Variants in KCNN2 observed in about 807,000 individuals in gnomAD.
KCNN2 encodes small conductance calcium-activated potassium channel protein 2.
In KCNN2, 24 loss-of-function variants were observed where a neutral mutation model predicts 55.5. The ratio of observed to expected loss-of-function variants is 0.43; its 90% CI spans 0.31 to 0.61. The LOEUF is 0.61. Among genes scored for constraint, KCNN2 ranks in the 20% least tolerant of loss-of-function variants. The pLI, the probability that KCNN2 is intolerant of heterozygous loss-of-function variation, is 0.08. For missense variants in KCNN2, 754 were observed against 853.6 expected (o/e 0.88, Z 1.45); for synonymous variants, 431 against 336.1 (o/e 1.28, Z -3.09).
chr5:114,253,921 C>T (rs1206018978), intron 2 of KCNN2, among the ~76,000 whole-genome samples: 1 of 152,108 alleles, frequency 6.6e-6, no homozygotes, highest in Admixed American at 6.5e-5. Context: ...ATCTGTGACT[C>T]TTGTTTGCAT....
chr5:114,213,709 G>A (rs1197426282), intron 1 of KCNN2, among the ~76,000 whole-genome samples: 2 of 151,750 alleles, frequency 1.3e-5, no homozygotes, highest in Non-Finnish European at 1.5e-5. Context: ...TATTATTGCC[G>A]TTGGTCTTGC....
At chr5:114,292,650 G>T (rs1193806084) in intron 2 of KCNN2, among the ~76,000 whole-genome samples, 1 of 152,122 alleles carries the variant, frequency 6.6e-6, no homozygotes, top group East Asian at 1.9e-4. Context: ...TGTTCTTTTG[G>T]CTTAGGATTG....
intron 2 of KCNN2, among the ~76,000 whole-genome samples, chr5:114,252,341 C>G (rs1308477928): frequency 6.6e-6 from 1 of 152,066 alleles, no homozygotes; most frequent in African/African-American, 2.4e-5. Flanking sequence ...AAGAGACTCC[C>G]TCAGATGAGA....
At chr5:114,392,185 ACAT>A (rs1758468337) in intron 2 of KCNN2, among the ~76,000 whole-genome samples, 1 of 152,196 alleles carries the variant, frequency 6.6e-6, no homozygotes, top group African/African-American at 2.4e-5. Flanking sequence ...GTTGCCTACA[ACAT>A]ATGATATGTG....
At chr5:114,322,572 C>T (rs1272194436) in intron 2 of KCNN2, among the ~76,000 whole-genome samples, 1 of 110,022 alleles carries the variant, frequency 9.1e-6, no homozygotes, top group Non-Finnish European at 1.8e-5. Context: ...CATACACTCC[C>T]CCATACACAC....
intron 2 of KCNN2, among the ~76,000 whole-genome samples, chr5:114,235,735 C>T (rs989027650): frequency 6.6e-6 from 1 of 152,214 alleles, no homozygotes; most frequent in Non-Finnish European, 1.5e-5. Flanking sequence ...ACTGAAGATA[C>T]ATCACAAAAG....
intron 1 of KCNN2, among the ~76,000 whole-genome samples, chr5:114,083,856 C>A (rs557947693): frequency 6.6e-6 from 1 of 152,124 alleles, no homozygotes; most frequent in Non-Finnish European, 1.5e-5. Context: ...TCTCTTCCCA[C>A]TCCAAACCTC....
chr5:114,152,193 C>T (rs1752543167), intron 1 of KCNN2, among the ~76,000 whole-genome samples: 1 of 151,948 alleles, frequency 6.6e-6, no homozygotes, highest in African/African-American at 2.4e-5. Context: ...ATTCAAATTG[C>T]TATAGGGGAA....
chr5:114,293,936 G>C (rs1266710450), intron 2 of KCNN2, among the ~76,000 whole-genome samples: 2 of 152,128 alleles, frequency 1.3e-5, no homozygotes, highest in Non-Finnish European at 2.9e-5. Context: ...TGTATGTGTG[G>C]AGGAATTTAT....
At chr5:114,263,787 T>G (rs1027044924) in intron 2 of KCNN2, among the ~76,000 whole-genome samples, 68 of 152,192 alleles carry the variant, frequency 4.5e-4, no homozygotes, top group African/African-American at 1.5e-3. Context: ...GACTAACACC[T>G]TTTAGACTAT....
chr5:114,301,517 T>C (rs987910394), intron 2 of KCNN2, among the ~76,000 whole-genome samples: 3 of 152,194 alleles, frequency 2.0e-5, no homozygotes, highest in Non-Finnish European at 4.4e-5. Context: ...TTAGTGTCTG[T>C]ATCTGGGCTT....
At chr5:114,148,419 A>G (rs1752449038) in intron 1 of KCNN2, among the ~76,000 whole-genome samples, 1 of 152,144 alleles carries the variant, frequency 6.6e-6, no homozygotes, top group Admixed American at 6.6e-5. Flanking sequence ...ATCATTAACA[A>G]TTTCAATTAA....
intron 2 of KCNN2, among the ~76,000 whole-genome samples, chr5:114,232,176 C>T (rs964306083): frequency 2.7e-5 from 4 of 150,696 alleles, no homozygotes; most frequent in Non-Finnish European, 5.9e-5. Context: ...GAATGTGGCA[C>T]ATAGGAGTAA....
At chr5:114,107,154 A>G (rs907552460) in intron 1 of KCNN2, among the ~76,000 whole-genome samples, 3 of 152,084 alleles carry the variant, frequency 2.0e-5, no homozygotes, top group African/African-American at 7.2e-5. Flanking sequence ...GAAAACTATT[A>G]TTTCTCACTG....
chr5:114,353,251 T>C (rs1322410138), intron 2 of KCNN2, among the ~76,000 whole-genome samples: 1 of 151,802 alleles, frequency 6.6e-6, no homozygotes, highest in East Asian at 1.9e-4. Context: ...AGACAGTAGA[T>C]ATGTATTTAT....
At chr5:114,134,423 T>C (rs1277052867) in intron 1 of KCNN2, among the ~76,000 whole-genome samples, 1 of 151,736 alleles carries the variant, frequency 6.6e-6, no homozygotes, top group Non-Finnish European at 1.5e-5. Context: ...TTTAAGAACC[T>C]ATTTTGCAAT....
At chr5:114,227,413 AC>A (rs1174821566) in intron 2 of KCNN2, among the ~76,000 whole-genome samples, 2 of 152,058 alleles carry the variant, frequency 1.3e-5, no homozygotes, top group Non-Finnish European at 2.9e-5. Flanking sequence ...TTTCTCCTTT[AC>A]TCATGCCCTA....
chr5:114,188,936 G>T (rs962700963), intron 1 of KCNN2, among the ~76,000 whole-genome samples: 1 of 152,098 alleles, frequency 6.6e-6, no homozygotes, highest in African/African-American at 2.4e-5. Flanking sequence ...TTGGCAATTT[G>T]AAAAGTTGAT....
chr5:114,325,203 G>A (rs984394149), intron 2 of KCNN2, among the ~76,000 whole-genome samples: 2 of 152,246 alleles, frequency 1.3e-5, no homozygotes, highest in Admixed American at 1.3e-4. Context: ...GATAAATGAA[G>A]AAAGGAAGAG....
Sources: allele counts gnomAD v4.1 joint callset (sites outside exome capture counted in the v4.1 genomes callset), GRCh38; gene constraint gnomAD v4.1.1; transcripts MANE v1.5; gene names NCBI Gene and HGNC (gene_info 2026-07-23, HGNC 2026-07-21).